SLC35A5: variants seen among roughly 807,000 people sequenced by gnomAD.
SLC35A5 encodes UDP-sugar transporter protein SLC35A5.
In SLC35A5, 28 loss-of-function variants were observed where a neutral mutation model predicts 36.3. That is an observed-to-expected ratio of 0.77 (90% CI 0.57 to 1.06). The LOEUF (loss-of-function observed/expected upper bound fraction) is 1.06. Among genes scored for constraint, SLC35A5 ranks in the 50% least tolerant of loss-of-function variants. The pLI is 0.00. For missense variants in SLC35A5, 521 were observed against 499.3 expected, an observed-to-expected ratio of 1.04 and a Z score of -0.41; for synonymous variants, 180 against 173.7, an observed-to-expected ratio of 1.04 and a Z score of -0.29.
upstream of SLC35A5, chr3:112,561,738 T>C: frequency 1.8e-6 from 1 of 560,898 alleles, no homozygotes; most frequent in East Asian, 3.3e-5. Context: ...TGCGCGATCC[T>C]CGCACCCCAG....
chr3:112,568,073 G>C (rs1023177474), intron 2 of SLC35A5, among the ~76,000 whole-genome samples: 1 of 152,204 alleles, frequency 6.6e-6, no homozygotes, highest in African/African-American at 2.4e-5. Context: ...GTATATGAAC[G>C]TGACAAACAT....
Position 112,564,859 on chromosome 3 carries a change from T to A in SLC35A5, c.130+1326T>A, listed in dbSNP as rs535632858. On this transcript the variant is annotated intron_variant, in intron 2 of 6. Coordinates refer to ENST00000492406, the MANE Select transcript of SLC35A5 (RefSeq NM_017945.5). Reference sequence around the variant, plus strand: ...TAACAAAGCACATCTTGCACAGCCCTTAATCCATTTAACCCTGAGTTGACA... The same window carrying A: ...TAACAAAGCACATCTTGCACAGCCCATAATCCATTTAACCCTGAGTTGACA... Among the ~76,000 whole-genome samples the A allele has an allele frequency of 9.8e-4, 149 of 152,334 alleles. 4 individuals carry two copies. In the South Asian group the frequency reaches 0.029, roughly 30 times the overall value.
intron 2 of SLC35A5, among the ~76,000 whole-genome samples, chr3:112,565,095 A>G (rs972538378): frequency 2.0e-5 from 3 of 152,232 alleles, no homozygotes; most frequent in Non-Finnish European, 4.4e-5. Context: ...TACTGCAGTT[A>G]ACATTTACCT....
Position 112,580,693 on chromosome 3 carries a change from CCTT to C in SLC35A5, c.580_582del (p.Leu194del). On this transcript the variant is annotated inframe_deletion, in exon 6 of 7. Coordinates refer to ENST00000492406, the MANE Select transcript of SLC35A5 (RefSeq NM_017945.5). ...CCTTTTTCAGCCCTTCCAATTCCTG[CCTT>C]CTTTTCAGAAGTGAGTGTCCCAGAA... is the stretch of plus-strand genomic sequence containing the variant. 1 of 1,614,096 alleles carries C rather than the reference CCTT, an allele frequency of 6.2e-7. No homozygotes were observed. Among genetic ancestry groups the C allele is most frequent in the African/African-American group, 1.3e-5 (1 of 75,038 alleles).
chr3:112,566,536 T>G (rs1197028193), intron 2 of SLC35A5, among the ~76,000 whole-genome samples: 1 of 152,128 alleles, frequency 6.6e-6, no homozygotes, highest in Non-Finnish European at 1.5e-5. Flanking sequence ...AGCATTTAAG[T>G]GACATGCGGA....
intron 2 of SLC35A5, among the ~76,000 whole-genome samples, chr3:112,566,026 T>G (rs999182166): frequency 6.6e-6 from 1 of 152,214 alleles, no homozygotes; most frequent in Admixed American, 6.5e-5. Context: ...AAGGGGTTAT[T>G]GCAAAGTAAA....
rs75656588 is a variant in SLC35A5 at position 112,569,248 on chromosome 3, T to C, written c.208T>C (p.Ser70Pro). Reference sequence around the variant, plus strand: ...GAAGCTAGTTTTCTGTGTGCTTGTGTCATTCTGTGTTATAAAGAAAGGTAA... The same window carrying C: ...GAAGCTAGTTTTCTGTGTGCTTGTGCCATTCTGTGTTATAAAGAAAGGTAA... Reference protein sequence around the residue: ...LVKLVFCVLVSFCVIKKDHQS... With the variant: ...LVKLVFCVLVPFCVIKKDHQS... The change falls in exon 3 of 7, where the codon TCA (serine) becomes CCA (proline). Residue 70 changes from serine to proline, a missense_variant. By Grantham distance (74) the Ser-to-Pro change is moderately conservative. Transcript: ENST00000492406. 624 of 1,613,984 alleles carry C rather than the reference T, an allele frequency of 3.9e-4. 1 individual carries two copies. The African/African-American group carries it at 7.5e-3, about 19-fold the overall frequency.
chr3:112,569,403 T>G, intron 3 of SLC35A5, 134 bp downstream of exon 3: 1 of 696,664 alleles, frequency 1.4e-6, no homozygotes. Flanking sequence ...AACATAAGTA[T>G]GTTTTAGAGG....
Position 112,581,114 on chromosome 3 carries a change from G to A in SLC35A5, c.997G>A (p.Val333Ile), listed in dbSNP as rs150655342. 105 of 1,613,984 alleles carry A rather than the reference G, an allele frequency of 6.5e-5. No individual in the cohort carries two copies. In the African/African-American group the frequency reaches 1.3e-3, roughly 20 times the overall value. The change falls in exon 6 of 7, where the codon GTC (valine) becomes ATC (isoleucine). Residue 333 changes from valine to isoleucine, a missense_variant. Val to Ile is a conservative substitution (Grantham distance 29). Coordinates refer to ENST00000492406, the MANE Select transcript of SLC35A5 (RefSeq NM_017945.5). ...GAAGTTCCTGGATAACATGTTCCAT[G>A]TCTTGATGGCCCAGGTTACCACTGT... Reference protein sequence around the residue: ...ILKFLDNMFHVLMAQVTTVII... With the variant: ...ILKFLDNMFHILMAQVTTVII...
At chr3:112,582,485 C>T (rs1934972097) in intron 6 of SLC35A5, among the ~76,000 whole-genome samples, 186 bp from the exon 7 acceptor site, 2 of 152,142 alleles carry the variant, frequency 1.3e-5, no homozygotes, top group Non-Finnish European at 2.9e-5. Context: ...ACTGAGTACA[C>T]TTCACTTTTT....
chr3:112,575,818 G>A (rs1454346707), intron 5 of SLC35A5, among the ~76,000 whole-genome samples: 1 of 145,720 alleles, frequency 6.9e-6, no homozygotes, highest in African/African-American at 2.5e-5. Flanking sequence ...GGAGTGCAGT[G>A]GCACCGTCTT....
upstream of SLC35A5, chr3:112,561,681 G>A (rs1283108679): frequency 2.7e-6 from 2 of 742,194 alleles, no homozygotes; most frequent in Non-Finnish European, 4.3e-6. Flanking sequence ...CGACGGGACG[G>A]GCGGGACGAG....
Position 112,582,851 on chromosome 3 carries a change from T to C in SLC35A5, c.*115T>C. ...AAATGTTTCTAAATCCTAATATTCT[T>C]TGCATATATCTAGCTACTCCCTAAA... On this transcript the variant is annotated 3_prime_UTR_variant, in exon 7 of 7. Transcript: ENST00000492406. 2 of 900,676 alleles carry C rather than the reference T, an allele frequency of 2.2e-6. No individual in the cohort carries two copies. Among genetic ancestry groups the C allele is most frequent in the Non-Finnish European group, 3.5e-6 (2 of 579,144 alleles). 55.8% of individuals were successfully genotyped at this position (900,676 alleles called of 1,614,324 possible). A position where few individuals can be genotyped will look rare whatever the true frequency, so the allele number is the denominator to read the frequency against.
At chr3:112,565,568 A>G (rs976708251) in intron 2 of SLC35A5, among the ~76,000 whole-genome samples, 1 of 152,352 alleles carries the variant, frequency 6.6e-6, no homozygotes, top group South Asian at 2.1e-4. Flanking sequence ...ACTTGAGGTC[A>G]GGAATTTGAG....
At chr3:112,571,984 G>A (rs535707102) in intron 4 of SLC35A5, among the ~76,000 whole-genome samples, 84 of 115,792 alleles carry the variant, frequency 7.3e-4, no homozygotes, top group African/African-American at 2.6e-3. Context: ...CGCCCAGGCC[G>A]GACTACGGAC....
At chr3:112,580,045 G>A (rs777681852) in intron 5 of SLC35A5, among the ~76,000 whole-genome samples, 4 of 152,176 alleles carry the variant, frequency 2.6e-5, no homozygotes, top group Admixed American at 6.5e-5. Context: ...TGGATCTAGA[G>A]CTAACCTTCT....
upstream of SLC35A5, chr3:112,561,809 A>T: frequency 4.5e-6 from 2 of 444,640 alleles, no homozygotes; most frequent in Non-Finnish European, 8.0e-6. Context: ...AGCGGGGCCG[A>T]AGGGAGACCT....
chr3:112,577,233 A>G (rs1559862178), intron 5 of SLC35A5, among the ~76,000 whole-genome samples: 1 of 152,178 alleles, frequency 6.6e-6, no homozygotes, highest in Non-Finnish European at 1.5e-5. Context: ...TAAATGTCCT[A>G]TTGTCTTTTC....
chr3:112,583,190 G>C lies in SLC35A5; in HGVS notation c.*454G>C, dbSNP rs1040114502. On this transcript the variant is annotated 3_prime_UTR_variant, in exon 7 of 7. Transcript: ENST00000492406. ...CTTGAATTTTGAGGCCCTAGAGATA[G>C]TCATTTTGCAAGTAAAGAGCAACGG... The C allele has an allele frequency of 1.3e-5, 5 of 398,052 alleles. No homozygotes were observed. 24.7% of individuals were successfully genotyped at this position (398,052 alleles called of 1,614,324 possible). A position where few individuals can be genotyped will look rare whatever the true frequency, so the allele number is the denominator to read the frequency against.
Sources: allele counts gnomAD v4.1 joint callset (sites outside exome capture counted in the v4.1 genomes callset), GRCh38; gene constraint gnomAD v4.1.1; transcripts MANE v1.5; gene names NCBI Gene and HGNC (gene_info 2026-07-23, HGNC 2026-07-21).